Variants in MALT1 observed in about 807,000 individuals in gnomAD.
MALT1 encodes mucosa-associated lymphoid tissue lymphoma translocation protein 1.
A neutral mutation model predicts 85.5 loss-of-function variants in MALT1; 36 were observed. That is an observed-to-expected ratio of 0.42 (90% CI 0.32 to 0.56). The LOEUF (loss-of-function observed/expected upper bound fraction) is 0.56. Among genes scored for constraint, MALT1 ranks in the 20% least tolerant of loss-of-function variants. The pLI is 0.10. For missense variants in MALT1, 716 were observed against 981.6 expected, an observed-to-expected ratio of 0.73 and a Z score of 3.62; for synonymous variants, 359 against 361.3, an observed-to-expected ratio of 0.99 and a Z score of 0.07.
At chr18:58,699,490 G>A (rs958086619) in intron 3 of MALT1, among the ~76,000 whole-genome samples, 6 of 152,172 alleles carry the variant, frequency 3.9e-5, no homozygotes, top group Non-Finnish European at 8.8e-5. Flanking sequence ...GGGAGGAGGT[G>A]AGCTTGTTAA....
At chr18:58,720,013 C>A (rs1191574369) in intron 9 of MALT1, among the ~76,000 whole-genome samples, 1 of 152,158 alleles carries the variant, frequency 6.6e-6, no homozygotes, top group Admixed American at 6.5e-5. Context: ...TGATATAACA[C>A]CAGTTTTTGA....
chr18:58,735,344 A>G lies in MALT1; in HGVS notation c.1603+15A>G. The G allele has an allele frequency of 6.3e-7, 1 of 1,587,424 alleles. No individual in the cohort carries two copies. Among genetic ancestry groups the G allele is most frequent in the Non-Finnish European group, 8.5e-7 (1 of 1,174,524 alleles). On this transcript the variant is annotated intron_variant, in intron 13 of 16. Coordinates refer to ENST00000649217, the MANE Select transcript of MALT1 (RefSeq NM_006785.4). ...AGTTGCAGAAGGTAAAATAAAAAAT[A>G]AAGAGAAAAGTACTCAGAAAAAGGA... is the stretch of plus-strand genomic sequence containing the variant.
chr18:58,692,443 T>A (rs1473147466), intron 2 of MALT1, among the ~76,000 whole-genome samples: 13 of 16,826 alleles, frequency 7.7e-4, no homozygotes, highest in African/African-American at 5.0e-3. Context: ...TCTCACTCTC[T>A]CCCTCCCTCC....
At chr18:58,690,297 G>C (rs2054477339) in intron 2 of MALT1, 1 of 152,402 alleles carries the variant, frequency 6.6e-6, no homozygotes, top group African/African-American at 2.4e-5. Context: ...CCAGGTGGCG[G>C]TCTTAAGACC....
chr18:58,722,181 G>C (rs1043550121), intron 9 of MALT1, among the ~76,000 whole-genome samples: 1 of 151,454 alleles, frequency 6.6e-6, no homozygotes, highest in African/African-American at 2.4e-5. Context: ...CCCCATTCCA[G>C]GCTATCAAAG....
chr18:58,721,965 CCTGT>C (rs1395930228), intron 9 of MALT1, among the ~76,000 whole-genome samples: 2 of 152,186 alleles, frequency 1.3e-5, no homozygotes, highest in African/African-American at 4.8e-5. Context: ...CTCTTGTCAC[CCTGT>C]CTCTCTGCTC....
intron 1 of MALT1, among the ~76,000 whole-genome samples, chr18:58,679,020 G>A (rs1156932057): frequency 6.6e-6 from 1 of 152,208 alleles, no homozygotes; most frequent in African/African-American, 2.4e-5. Flanking sequence ...TGTTGGTTAT[G>A]TTTCTTTGGG....
At chr18:58,708,039 CA>C (rs2054779111) in intron 4 of MALT1, among the ~76,000 whole-genome samples, 1 of 152,184 alleles carries the variant, frequency 6.6e-6, no homozygotes, top group African/African-American at 2.4e-5. Context: ...TTCTATGTCT[CA>C]GGGGGTCTGA....
In MALT1 at chr18:58,745,800, CT is replaced by C. The variant is rs1175702658; in HGVS notation, c.2037+13del. On this transcript the variant is annotated intron_variant, in intron 16 of 16. Coordinates refer to ENST00000649217, the MANE Select transcript of MALT1 (RefSeq NM_006785.4). ...CACTGCAAAAATTAAAGGTTACTAC[CT>C]TTTCTGTTTATAGCTACTAATGGAA... 3.1e-6 allele frequency: 5 copies of C among 1,607,800 alleles called. No individual in the cohort carries two copies. Among genetic ancestry groups the C allele is most frequent in the East Asian group, 2.2e-5 (1 of 44,780 alleles).
chr18:58,674,491 G>C (rs1379993578), intron 1 of MALT1, among the ~76,000 whole-genome samples: 1 of 152,100 alleles, frequency 6.6e-6, no homozygotes, highest in East Asian at 1.9e-4. Context: ...GGTTGGCTGG[G>C]GTGAGAAGGG....
chr18:58,686,200 T>C (rs1042266534), intron 2 of MALT1, among the ~76,000 whole-genome samples: 1 of 152,190 alleles, frequency 6.6e-6, no homozygotes, highest in African/African-American at 2.4e-5. Flanking sequence ...CTAATTTTTA[T>C]ATTTTTAGTA....
At chr18:58,731,079 G>A (rs975638724) in intron 10 of MALT1, among the ~76,000 whole-genome samples, 22 of 152,106 alleles carry the variant, frequency 1.4e-4, no homozygotes, top group African/African-American at 5.3e-4. Context: ...AGCCTCCCAA[G>A]TAGCTGGGAT....
At chr18:58,698,039 T>TTTG (rs1431698860) in intron 3 of MALT1, among the ~76,000 whole-genome samples, 2 of 41,684 alleles carry the variant, frequency 4.8e-5, no homozygotes, top group African/African-American at 1.2e-4. Flanking sequence ...CGTGGGGTTT[T>TTTG]TTGTTGTTGT....
intron 1 of MALT1, among the ~76,000 whole-genome samples, chr18:58,680,656 C>T (rs1394320101): frequency 6.6e-6 from 1 of 152,132 alleles, no homozygotes; most frequent in Non-Finnish European, 1.5e-5. Context: ...TCTCATTCTC[C>T]TGATTTAATA....
At chr18:58,740,347 TTA>T (rs1283705021) in intron 13 of MALT1, among the ~76,000 whole-genome samples, 1 of 152,166 alleles carries the variant, frequency 6.6e-6, no homozygotes, top group Non-Finnish European at 1.5e-5. Flanking sequence ...TGCTGTTTAT[TTA>T]TGTCTTGCCT....
intron 4 of MALT1, among the ~76,000 whole-genome samples, chr18:58,706,982 T>C (rs1442840261): frequency 6.6e-6 from 1 of 152,206 alleles, no homozygotes; most frequent in East Asian, 1.9e-4. Context: ...ATTATATGTA[T>C]GTTAGACTAT....
intron 13 of MALT1, 96 bp downstream of exon 13, chr18:58,735,425 A>C (rs1296715981): frequency 7.4e-7 from 1 of 1,344,236 alleles, no homozygotes; most frequent in Admixed American, 2.7e-5. Context: ...TTTTATTCTT[A>C]TTATGTGGGT....
intron 9 of MALT1, among the ~76,000 whole-genome samples, chr18:58,716,404 TG>T (rs1240396381): frequency 6.6e-6 from 1 of 152,212 alleles, no homozygotes; most frequent in East Asian, 1.9e-4. Context: ...ATTTGAAGAA[TG>T]CCTGGGACAA....
intron 11 of MALT1, 76 bp from the exon 12 acceptor site, chr18:58,734,231 C>T (rs2055193866): frequency 1.7e-6 from 2 of 1,162,752 alleles, no homozygotes; most frequent in Admixed American, 2.0e-5. Context: ...TGTATTTTCT[C>T]ATTATTTATA....
Sources: allele counts gnomAD v4.1 joint callset (sites outside exome capture counted in the v4.1 genomes callset), GRCh38; gene constraint gnomAD v4.1.1; transcripts MANE v1.5; gene names NCBI Gene and HGNC (gene_info 2026-07-23, HGNC 2026-07-21).